Variants in TRIM66 observed in about 807,000 individuals in gnomAD.
The protein encoded by TRIM66 is tripartite motif containing 66, also known as tripartite motif-containing protein 66.
Under a neutral mutation model 148.2 loss-of-function variants are expected in TRIM66, and 99 were observed. The observed-to-expected ratio is 0.67, with a 90% CI of 0.57 to 0.79. The LOEUF is 0.79. Ranked by LOEUF, TRIM66 falls within the 30% of genes least tolerant of loss-of-function variation. The pLI, the probability that TRIM66 is intolerant of heterozygous loss-of-function variation, is 0.00. For synonymous variants in TRIM66, 616 were observed against 635.9 expected (o/e 0.97, Z 0.47); for missense variants, 1,666 against 1,697.9 (o/e 0.98, Z 0.33).
At chr11:8,651,019 C>T (rs1278134189) in intron 7 of TRIM66, among the ~76,000 whole-genome samples, 4 of 152,142 alleles carry the variant, frequency 2.6e-5, no homozygotes, top group African/African-American at 7.2e-5. Context: ...TCATTCATTT[C>T]GTAAGCAAAT....
rs1231493115 is a variant in TRIM66 at position 8,640,258 on chromosome 11, A to C, written c.2117T>G (p.Val706Gly). The C allele has an allele frequency of 1.3e-6, 2 of 1,551,498 alleles. No homozygotes were observed. The highest frequency in any genetic ancestry group is 3.9e-5 in the Admixed American group (2 of 50,958). The change falls in exon 14 of 25, where the codon GTC (valine) becomes GGC (glycine). Residue 706 changes from valine (V) to glycine (G), a missense_variant. Physicochemically the swap from Val to Gly is moderately radical, Grantham distance 109. Coordinates refer to ENST00000646038, the MANE Select transcript of TRIM66 (RefSeq NM_001388022.1). ...INYIVRQPAP[V>G]QSQSQEETLQ... ...GGTCTCCTCCTGGCTCTGGGACTGG[A>C]CAGGTGCTGGCTGCCTCACGATGTA...
chr11:8,661,877 C>T (rs2038282272), intron 6 of TRIM66, among the ~76,000 whole-genome samples: 1 of 152,146 alleles, frequency 6.6e-6, no homozygotes, highest in Admixed American at 6.6e-5. Context: ...TCTCGAGCTC[C>T]CTCCCTCAGC....
chr11:8,673,218 G>A (rs1433719355), intron 4 of TRIM66, among the ~76,000 whole-genome samples: 2 of 151,970 alleles, frequency 1.3e-5, no homozygotes, highest in South Asian at 2.1e-4. Flanking sequence ...ATGAGCCACC[G>A]AGCCCGGCCC....
At chr11:8,633,744 T>G (rs1461311815) in intron 15 of TRIM66, among the ~76,000 whole-genome samples, 3 of 152,210 alleles carry the variant, frequency 2.0e-5, no homozygotes, top group Non-Finnish European at 4.4e-5. Context: ...GGAAGCAGGA[T>G]GCCTAGTATT....
intron 3 of TRIM66, among the ~76,000 whole-genome samples, chr11:8,676,699 C>G (rs2039194903): frequency 6.6e-6 from 1 of 152,160 alleles, no homozygotes; most frequent in South Asian, 2.1e-4. Context: ...TCAAATGACC[C>G]CATTTCTGCC....
At chr11:8,634,323 G>T (rs1337326620) in intron 15 of TRIM66, among the ~76,000 whole-genome samples, 1 of 152,068 alleles carries the variant, frequency 6.6e-6, no homozygotes, top group East Asian at 1.9e-4. Context: ...GCACCACCAC[G>T]CCTGGCTAAT....
At chr11:8,619,921 A>T in intron 22 of TRIM66, 129 bp downstream of exon 22, 1 of 922,298 alleles carries the variant, frequency 1.1e-6, no homozygotes, top group Non-Finnish European at 1.7e-6. Flanking sequence ...AGACAGTAGC[A>T]GGCACAAAAT....
intron 14 of TRIM66, among the ~76,000 whole-genome samples, chr11:8,639,322 G>C (rs1010752572): frequency 6.6e-6 from 1 of 152,178 alleles, no homozygotes; most frequent in Non-Finnish European, 1.5e-5. Flanking sequence ...TACCACTATA[G>C]AAAAAGTGAG....
In TRIM66 at chr11:8,621,710, C is replaced by T; in HGVS notation, c.3190G>A (p.Asp1064Asn). ...PVFKLKPQKN[D>N]QDGSFLLIIE... ...ATCAGCAGGAAGCTCCCATCCTGAT[C>T]ATTCTTCTGTGGCTTCAGTTTGAAC... Residue 1064 changes from aspartate (D) to asparagine (N), a missense_variant, in exon 19 of 25, where the codon GAT (aspartate) becomes AAT (asparagine). By Grantham distance (23) the Asp-to-Asn change is conservative. Around this residue, in one of 3 missense-constraint regions of TRIM66, gnomAD observed 1,431 missense variants for 1,412.4 expected, o/e 1.01. Coordinates refer to ENST00000646038, the MANE Select transcript of TRIM66 (RefSeq NM_001388022.1). 6.4e-7 allele frequency: 1 copy of T among 1,551,796 alleles called. No individual in the cohort carries two copies. Among genetic ancestry groups the T allele is most frequent in the Non-Finnish European group, 8.7e-7 (1 of 1,147,002 alleles).
intron 22 of TRIM66, 64 bp from the exon 23 acceptor site, chr11:8,619,599 TAAG>T: frequency 7.2e-7 from 1 of 1,391,306 alleles, no homozygotes; most frequent in African/African-American, 1.5e-5. Context: ...GAGGTGTGGA[TAAG>T]AAGGAAGAAG....
At chr11:8,659,606 C>G (rs2038107329) in intron 6 of TRIM66, among the ~76,000 whole-genome samples, 1 of 152,192 alleles carries the variant, frequency 6.6e-6, no homozygotes, top group Non-Finnish European at 1.5e-5. Context: ...CTTGCCTGGA[C>G]CAGTGATGCC....
intron 6 of TRIM66, among the ~76,000 whole-genome samples, chr11:8,670,232 C>T (rs988974345): frequency 2.0e-5 from 3 of 152,180 alleles, no homozygotes; most frequent in East Asian, 3.9e-4. Context: ...AGGCTGGTCT[C>T]GAACTCCTGA....
At chr11:8,655,026 A>G (rs910114421) in intron 6 of TRIM66, among the ~76,000 whole-genome samples, 5 of 151,774 alleles carry the variant, frequency 3.3e-5, no homozygotes, top group Non-Finnish European at 5.9e-5. Context: ...ACGCCTGGCT[A>G]TTTTTGTATT....
intron 12 of TRIM66, 156 bp downstream of exon 12, chr11:8,645,585 G>A (rs2036776965): frequency 1.1e-6 from 1 of 870,322 alleles, no homozygotes; most frequent in South Asian, 1.8e-5. Context: ...CAAAAGCAGT[G>A]ATTGAATTTG....
chr11:8,652,477 C>T (rs2037442839), intron 6 of TRIM66, among the ~76,000 whole-genome samples: 2 of 152,116 alleles, frequency 1.3e-5, no homozygotes, highest in Non-Finnish European at 2.9e-5. Context: ...GCTCAGAGGT[C>T]TTTTGGAGGG....
Position 8,672,277 on chromosome 11 carries a change from C to G in TRIM66, c.-3G>C, listed in dbSNP as rs1383600213. 2.6e-6 allele frequency: 4 copies of G among 1,536,052 alleles called. No homozygotes were observed. The African/African-American group carries it at 5.5e-5, about 21-fold the overall frequency. ...GACCAAAAAGAGAGTCTAGCCATCT[C>G]TGCCGTGGAAAACAAAGCGTGGAGG... is the stretch of plus-strand genomic sequence containing the variant. On this transcript the variant is annotated 5_prime_UTR_variant, in exon 5 of 25. Transcript: ENST00000646038.
chr11:8,664,653 A>G (rs1053181209), intron 6 of TRIM66, among the ~76,000 whole-genome samples: 12 of 152,354 alleles, frequency 7.9e-5, no homozygotes, highest in African/African-American at 2.9e-4. Context: ...AAAAAGGGAC[A>G]GATCACAAGT....
rs977610013 is a variant in TRIM66 at position 8,612,922 on chromosome 11, T to C, written c.*5022A>G. 2 of 152,258 alleles carry C rather than the reference T, an allele frequency of 1.3e-5. No individual in the cohort carries two copies. Among genetic ancestry groups the C allele is most frequent in the Non-Finnish European group, 2.9e-5 (2 of 68,100 alleles). The allele number at this position is 152,258 out of a possible 1,614,324, so 9.4% of individuals were successfully genotyped here. A position where few individuals can be genotyped will look rare whatever the true frequency, so the allele number is the denominator to read the frequency against. Reference sequence around the variant, plus strand: ...AATCCAGTTTAGCCAGACTGCGGCCTGGATGCTGTAAAACCTAATCCACAC... The same window carrying C: ...AATCCAGTTTAGCCAGACTGCGGCCCGGATGCTGTAAAACCTAATCCACAC... On this transcript the variant is annotated 3_prime_UTR_variant, in exon 25 of 25. Coordinates refer to ENST00000646038, the MANE Select transcript of TRIM66 (RefSeq NM_001388022.1).
At chr11:8,620,847 T>A (rs981209850) in intron 20 of TRIM66, among the ~76,000 whole-genome samples, 185 bp downstream of exon 20, 1 of 152,200 alleles carries the variant, frequency 6.6e-6, no homozygotes, top group African/African-American at 2.4e-5. Flanking sequence ...CAACCAAATG[T>A]CAAGCATCCA....
Sources: allele counts gnomAD v4.1 joint callset (sites outside exome capture counted in the v4.1 genomes callset), GRCh38; gene constraint gnomAD v4.1.1; regional missense constraint gnomAD v4.1.1; transcripts MANE v1.5; gene names NCBI Gene and HGNC (gene_info 2026-07-23, HGNC 2026-07-21).